The following GPHN variants were observed in gnomAD, a reference collection of about 807,000 sequenced individuals.
GPHN encodes the protein gephyrin.
A neutral mutation model predicts 95.5 loss-of-function variants in GPHN; 17 were observed. The observed-to-expected ratio is 0.18, with a 90% CI of 0.12 to 0.27. The LOEUF is 0.27. Ranked by LOEUF, GPHN falls within the 10% of genes least tolerant of loss-of-function variation. The pLI, the probability that GPHN is intolerant of heterozygous loss-of-function variation, is 1.00. For synonymous variants in GPHN, 320 were observed against 322.5 expected, an observed-to-expected ratio of 0.99 and a Z score of 0.08; for missense variants, 660 against 978.1, an observed-to-expected ratio of 0.67 and a Z score of 4.34.
chr14:67,350,855 T>C, the GPHN span, among the ~76,000 whole-genome samples: 1 of 152,222 alleles, frequency 6.6e-6, no homozygotes, highest in Non-Finnish European at 1.5e-5. Context: ...ACAGTTTTGG[T>C]TATGATCACT....
At chr14:66,509,164 A>G (rs1186302484) in intron 1 of GPHN, 2 of 155,958 alleles carry the variant, frequency 1.3e-5, no homozygotes, top group African/African-American at 4.8e-5. Context: ...CCCATGGGGC[A>G]CCCTTCGCCT....
Position 67,109,570 on chromosome 14 carries a change from T to C in GPHN, c.1294-570T>C, listed in dbSNP as rs189720098. On this transcript the variant is annotated intron_variant, in intron 13 of 22. Transcript: ENST00000478722. ...AGACACTGGAATCATTTTTAAATGA[T>C]TTAATTATATTTGCTCAACCTCTAT... 4.3e-3 allele frequency among the ~76,000 whole-genome samples: 658 copies of C among 152,364 alleles called. 3 individuals carry two copies. Among genetic ancestry groups the C allele is most frequent in the African/African-American group, 0.015 (618 of 41,584 alleles).
chr14:67,180,868 A>T lies in GPHN; in HGVS notation c.2241A>T (p.Pro747=). Residue 747 remains proline, a synonymous_variant, in exon 23 of 23, where the codon CCA becomes CCT. Coordinates refer to ENST00000478722, the MANE Select transcript of GPHN (RefSeq NM_020806.5). ...RSANGLLMLP[P]KTEQYVELHK... is the part of the protein sequence containing the mutation. ...CCAATGGATTGTTGATGCTACCTCC[A>T]AAGACAGAACAGTACGTGGAGCTCC... 2.5e-6 allele frequency: 4 copies of T among 1,613,996 alleles called. No homozygotes were observed. Among genetic ancestry groups the T allele is most frequent in the Non-Finnish European group, 3.4e-6 (4 of 1,179,906 alleles).
intron 16 of GPHN, among the ~76,000 whole-genome samples, chr14:67,117,347 A>G (rs898825775): frequency 1.4e-4 from 21 of 152,214 alleles, no homozygotes; most frequent in African/African-American, 5.1e-4. Flanking sequence ...GACCACTGCA[A>G]TTCCAGGTTG....
the GPHN span, among the ~76,000 whole-genome samples, chr14:67,408,661 G>C: frequency 2.0e-5 from 3 of 152,212 alleles, no homozygotes; most frequent in South Asian, 4.1e-4. Context: ...GAATGCCAAG[G>C]GTTGCCTGCA....
At chr14:66,676,570 T>C (rs1721432938) in intron 1 of GPHN, among the ~76,000 whole-genome samples, 1 of 152,114 alleles carries the variant, frequency 6.6e-6, no homozygotes, top group Non-Finnish European at 1.5e-5. Flanking sequence ...TATGATTTGC[T>C]TTTCATCTAT....
intron 1 of GPHN, among the ~76,000 whole-genome samples, chr14:66,629,160 TGTATATAAATATATATATACATATATAA>T (rs1566729117): frequency 0.01 from 1,100 of 107,464 alleles, 27 homozygotes; most frequent in Non-Finnish European, 0.014. Context: ...TATATAAATA[TGTATATAAATATATATATACATATATAA>T]ATATGTATAT....
In GPHN at chr14:66,530,444, G is replaced by A. The variant is rs113742831; in HGVS notation, c.64+21853G>A. Among the ~76,000 whole-genome samples the A allele has an allele frequency of 3.6e-3, 553 of 152,132 alleles. 12 individuals are homozygous for A. Among genetic ancestry groups the A allele is most frequent in the African/African-American group, 0.013 (527 of 41,500 alleles). On this transcript the variant is annotated intron_variant, in intron 1 of 22. Transcript: ENST00000478722. ...GCTCCCTGGCTTAAGCCCCCTTTCC[G>A]GGGGAGTGAATGGCTCTGTCTTGCT... is the stretch of plus-strand genomic sequence containing the variant.
the GPHN span, chr14:67,656,719 A>C: frequency 4.9e-6 from 5 of 1,022,924 alleles, no homozygotes; most frequent in Non-Finnish European, 4.0e-6. Flanking sequence ...TTAAGACAGA[A>C]CCAAAGAAGC....
At chr14:67,474,868 T>A in the GPHN span, among the ~76,000 whole-genome samples, 2 of 152,052 alleles carry the variant, frequency 1.3e-5, no homozygotes, top group Non-Finnish European at 2.9e-5. Context: ...CTTAGCCTAA[T>A]GTCTTTAAGG....
intron 1 of GPHN, among the ~76,000 whole-genome samples, chr14:66,605,457 T>G (rs2062476328): frequency 6.6e-6 from 1 of 152,144 alleles, no homozygotes; most frequent in South Asian, 2.1e-4. Flanking sequence ...TTAGTGATGA[T>G]GAACATTTTT....
intron 1 of GPHN, among the ~76,000 whole-genome samples, chr14:66,558,282 T>C (rs565461180): frequency 1.2e-3 from 186 of 152,100 alleles, no homozygotes; most frequent in Non-Finnish European, 2.0e-3. Context: ...AGTCAGAATT[T>C]ATTTTCAGGA....
chr14:67,246,885 C>T, the GPHN span, among the ~76,000 whole-genome samples: 8 of 152,072 alleles, frequency 5.3e-5, no homozygotes, highest in African/African-American at 1.4e-4. Flanking sequence ...CTCCTGACCT[C>T]GTGATCTGCC....
chr14:67,292,488 G>T, the GPHN span: 1 of 1,491,184 alleles, frequency 6.7e-7, no homozygotes. Flanking sequence ...TTAATTTTTG[G>T]ATACCTTTTC....
chr14:67,159,210 T>C (rs1413454367), intron 18 of GPHN, among the ~76,000 whole-genome samples: 1 of 152,180 alleles, frequency 6.6e-6, no homozygotes, highest in African/African-American at 2.4e-5. Context: ...ACTCATCATA[T>C]ACCAAGTGTT....
chr14:66,791,626 G>T (rs949564635), intron 3 of GPHN, among the ~76,000 whole-genome samples: 14 of 152,208 alleles, frequency 9.2e-5, no homozygotes, highest in African/African-American at 3.4e-4. Context: ...TCATGGCATT[G>T]GTGGGAGTGT....
At chr14:67,271,135 C>T in the GPHN span, 1 of 152,164 alleles carries the variant, frequency 6.6e-6, no homozygotes, top group Non-Finnish European at 1.5e-5. Context: ...CTTAATTAAG[C>T]AAACACTTAG....
chr14:67,079,947 G>A (rs1456899834), intron 11 of GPHN, among the ~76,000 whole-genome samples: 1 of 151,956 alleles, frequency 6.6e-6, no homozygotes, highest in African/African-American at 2.4e-5. Flanking sequence ...CCCAGAAGTG[G>A]GGTTGTTGGA....
At chr14:67,301,121 A>G in the GPHN span, among the ~76,000 whole-genome samples, 5 of 152,264 alleles carry the variant, frequency 3.3e-5, no homozygotes, top group South Asian at 4.1e-4. Context: ...AATGAATTTT[A>G]TGGTATGTTG....
Sources: gnomAD v4.1 joint callset for allele counts (sites outside exome capture counted in the v4.1 genomes callset) on GRCh38, gnomAD v4.1.1 for gene constraint, MANE v1.5 for transcripts, NCBI Gene and HGNC (gene_info 2026-07-23, HGNC 2026-07-21) for gene names.